STAC: variants seen among roughly 807,000 people sequenced by gnomAD.
STAC encodes SH3 and cysteine-rich domain-containing protein.
In STAC, 43 loss-of-function variants were observed where a neutral mutation model predicts 48.8. That is an observed-to-expected ratio of 0.88 (90% CI 0.69 to 1.14). STAC has a LOEUF of 1.14. Ranked by LOEUF, STAC falls within the 50% of genes most tolerant of loss-of-function variation. The probability of loss-of-function intolerance (pLI) is 0.00; values close to 1 mark genes in which losing one functional copy is unlikely to be tolerated. For synonymous variants in STAC, 193 were observed against 179.5 expected (o/e 1.07, Z -0.60); for missense variants, 497 against 504.0 (o/e 0.99, Z 0.13).
At position 36,528,911 on chromosome 3, in the gene STAC, G is replaced by A. The variant is rs1487818729; in HGVS notation, c.1036G>A (p.Glu346Lys). The change falls in exon 10 of 11, where the codon GAG (glutamate) becomes AAG (lysine). Residue 346 changes from glutamate (E) to lysine (K), a missense_variant. Physicochemically the swap from Glu to Lys is moderately conservative, Grantham distance 56. Coordinates refer to ENST00000273183, the MANE Select transcript of STAC (RefSeq NM_003149.3). ...ANFVQRLQQN[E>K]KIFRCVRTFI... ...CTTTGTTCAGAGACTACAACAAAATGAGAAGATTTTTAGATGTGTTAGAAC... is the reference window on the plus strand; with the variant it reads ...CTTTGTTCAGAGACTACAACAAAATAAGAAGATTTTTAGATGTGTTAGAAC... 1.5e-5 allele frequency: 24 copies of A among 1,613,642 alleles called. No individual in the cohort carries two copies. The highest frequency in any genetic ancestry group is 1.9e-5 in the Non-Finnish European group (23 of 1,179,860).
At chr3:36,532,104 C>A (rs1559528012) in intron 10 of STAC, among the ~76,000 whole-genome samples, 1 of 152,132 alleles carries the variant, frequency 6.6e-6, no homozygotes, top group East Asian at 1.9e-4. Flanking sequence ...CACAAATGCA[C>A]ACACACAACA....
intron 1 of STAC, among the ~76,000 whole-genome samples, chr3:36,412,137 C>G (rs541438002): frequency 1.3e-5 from 2 of 152,286 alleles, no homozygotes; most frequent in East Asian, 3.9e-4. Flanking sequence ...AGTTCAACTA[C>G]TCAGCAAAGT....
At chr3:36,524,398 C>G (rs1394658857) in intron 8 of STAC, among the ~76,000 whole-genome samples, 1 of 152,016 alleles carries the variant, frequency 6.6e-6, no homozygotes, top group Non-Finnish European at 1.5e-5. Flanking sequence ...TCGAGACCAG[C>G]CTGGCCAACG....
intron 6 of STAC, among the ~76,000 whole-genome samples, chr3:36,503,966 A>G (rs1698338779): frequency 6.6e-6 from 1 of 152,246 alleles, no homozygotes; most frequent in African/African-American, 2.4e-5. Flanking sequence ...GATACCGAAT[A>G]TAGATTAAAG....
chr3:36,422,248 T>C (rs1381429094), intron 1 of STAC, among the ~76,000 whole-genome samples: 5 of 152,264 alleles, frequency 3.3e-5, no homozygotes, highest in African/African-American at 1.2e-4. Flanking sequence ...TTGATCTTAC[T>C]TTCCAGGTCT....
At chr3:36,491,644 G>A (rs1259408958) in intron 5 of STAC, among the ~76,000 whole-genome samples, 4 of 151,962 alleles carry the variant, frequency 2.6e-5, no homozygotes, top group East Asian at 3.9e-4. Context: ...GTGCTAAAGG[G>A]CTCTAGAGCT....
intron 1 of STAC, among the ~76,000 whole-genome samples, chr3:36,432,196 C>A (rs560051287): frequency 5.0e-4 from 76 of 152,292 alleles, no homozygotes; most frequent in African/African-American, 1.8e-3. Context: ...TTAATCCTCA[C>A]AACAAATCTG....
At chr3:36,396,539 A>G (rs1699861616) in intron 1 of STAC, among the ~76,000 whole-genome samples, 2 of 152,160 alleles carry the variant, frequency 1.3e-5, no homozygotes, top group African/African-American at 4.8e-5. Flanking sequence ...GGGATGCTTC[A>G]TTGGAATGCT....
chr3:36,525,741 T>C (rs1194177219), intron 8 of STAC, among the ~76,000 whole-genome samples: 18 of 152,194 alleles, frequency 1.2e-4, no homozygotes, highest in Admixed American at 1.2e-3. Flanking sequence ...ATCCCTGACC[T>C]GGGAAAGAGT....
At chr3:36,495,819 T>C (rs1698139254) in intron 6 of STAC, among the ~76,000 whole-genome samples, 1 of 152,230 alleles carries the variant, frequency 6.6e-6, no homozygotes, top group South Asian at 2.1e-4. Flanking sequence ...CTCACTACCC[T>C]AAATGTGGCT....
At chr3:36,502,262 G>A (rs967759603) in intron 6 of STAC, among the ~76,000 whole-genome samples, 2 of 152,076 alleles carry the variant, frequency 1.3e-5, no homozygotes, top group Non-Finnish European at 2.9e-5. Context: ...AAACGACCAA[G>A]TTATTTTTCA....
chr3:36,483,707 C>T (rs1697719449), intron 3 of STAC, among the ~76,000 whole-genome samples: 1 of 152,192 alleles, frequency 6.6e-6, no homozygotes, highest in African/African-American at 2.4e-5. Flanking sequence ...AATCCCAACA[C>T]TTTGGACACC....
In STAC at chr3:36,443,504, C is replaced by T. The variant is rs770083830; in HGVS notation, c.252C>T (p.Ser84=). 1.5e-5 allele frequency: 25 copies of T among 1,614,100 alleles called. No homozygotes were observed. The highest frequency in any genetic ancestry group is 6.7e-5 in the Admixed American group (4 of 60,008). The change falls in exon 2 of 11, where the codon AGC becomes AGT. Residue 84 remains serine (S), a synonymous_variant. Transcript: ENST00000273183. The surrounding 1 kb of genome is among the most constrained non-coding windows in gnomAD (Gnocchi z 4.2). ...HMVAEISPSS[S]PLPAPGSLTS... The stretch of plus-strand genomic sequence containing the variant: ...TGGCTGAGATCAGCCCCAGCTCCAG[C>T]CCACTCCCTGCTCCAGGAAGCCTGA...
chr3:36,524,996 A>C (rs1297328644), intron 8 of STAC, among the ~76,000 whole-genome samples: 5 of 152,214 alleles, frequency 3.3e-5, no homozygotes, highest in Non-Finnish European at 7.3e-5. Flanking sequence ...CATAGTCCTT[A>C]TGCCAATTTA....
chr3:36,545,284 T>C (rs1699419458), intron 10 of STAC, among the ~76,000 whole-genome samples: 1 of 152,204 alleles, frequency 6.6e-6, no homozygotes, highest in African/African-American at 2.4e-5. Flanking sequence ...TGTGATGCAA[T>C]TCATGCTCCA....
intron 2 of STAC, among the ~76,000 whole-genome samples, chr3:36,445,139 G>A (rs999982045): frequency 4.6e-5 from 7 of 152,116 alleles, no homozygotes. Flanking sequence ...TTTTAAAAAT[G>A]AGTAACAGAA....
intron 2 of STAC, among the ~76,000 whole-genome samples, chr3:36,444,649 C>A (rs1696456584): frequency 6.6e-6 from 1 of 152,196 alleles, no homozygotes; most frequent in Admixed American, 6.5e-5. Context: ...ACAGGGGCAA[C>A]CCCCTAGCCC....
At chr3:36,413,842 C>T (rs1018406176) in intron 1 of STAC, among the ~76,000 whole-genome samples, 2 of 152,104 alleles carry the variant, frequency 1.3e-5, no homozygotes, top group East Asian at 1.9e-4. Flanking sequence ...TTAATGCTTC[C>T]TTCAGGAGCT....
intron 1 of STAC, 65 bp downstream of exon 1, chr3:36,380,819 G>C (rs528783257): frequency 2.0e-5 from 26 of 1,315,878 alleles, no homozygotes; most frequent in Admixed American, 9.8e-5. Flanking sequence ...GTCCAGCTTT[G>C]TCTCTCCTCC....
Sources: allele counts gnomAD v4.1 joint callset (sites outside exome capture counted in the v4.1 genomes callset), GRCh38; gene constraint gnomAD v4.1.1; non-coding constraint Gnocchi (gnomAD v3.1); transcripts MANE v1.5; gene names NCBI Gene and HGNC (gene_info 2026-07-23, HGNC 2026-07-21).